Variants in MALRD1 observed in about 807,000 individuals in gnomAD.
MALRD1 encodes the protein MAM and LDL-receptor class A domain-containing protein 1.
MALRD1 carries 247 observed loss-of-function variants against 242.1 expected under a neutral mutation model. That is an observed-to-expected ratio of 1.02 (90% CI 0.92 to 1.13). MALRD1 has a LOEUF of 1.13. Among genes scored for constraint, MALRD1 ranks in the 50% most tolerant of loss-of-function variants. MALRD1 has a pLI of 0.00. For missense variants in MALRD1, 2,989 were observed against 2,533.1 expected, an observed-to-expected ratio of 1.18 and a Z score of -3.86; for synonymous variants, 995 against 866.6, an observed-to-expected ratio of 1.15 and a Z score of -2.60.
intron 33 of MALRD1, among the ~76,000 whole-genome samples, chr10:19,586,770 G>A (rs1398873483): frequency 6.6e-6 from 1 of 152,226 alleles, no homozygotes; most frequent in African/African-American, 2.4e-5. Context: ...CCAGCTTCCT[G>A]GCTGCTTTGT....
intron 36 of MALRD1, among the ~76,000 whole-genome samples, chr10:19,685,872 A>G (rs191343254): frequency 4.6e-5 from 7 of 152,258 alleles, no homozygotes; most frequent in South Asian, 2.1e-4. Flanking sequence ...CTGTGAACCA[A>G]TCTCATGGAT....
intron 38 of MALRD1, among the ~76,000 whole-genome samples, chr10:19,707,681 G>C (rs973111405): frequency 2.0e-5 from 3 of 147,814 alleles, no homozygotes; most frequent in Non-Finnish European, 3.0e-5. Context: ...GGGTGCTGTG[G>C]CTCATGCCTG....
chr10:19,486,716 A>C (rs917662997), intron 29 of MALRD1, among the ~76,000 whole-genome samples: 1 of 152,170 alleles, frequency 6.6e-6, no homozygotes, highest in Admixed American at 6.5e-5. Context: ...AAGTAATAAA[A>C]CAACAAGTGT....
In MALRD1 at chr10:19,209,627, G is replaced by A. The variant is rs1208535570; in HGVS notation, c.2938G>A (p.Gly980Ser). 2 of 1,550,912 alleles carry A rather than the reference G, an allele frequency of 1.3e-6. No homozygotes were observed. Among genetic ancestry groups the A allele is most frequent in the Non-Finnish European group, 1.7e-6 (2 of 1,147,092 alleles). The change falls in exon 18 of 40, where the codon GGC becomes AGC. Residue 980 changes from glycine to serine, a missense_variant. Coordinates refer to ENST00000454679, the MANE Select transcript of MALRD1 (RefSeq NM_001142308.3). ...GCTGTGGCAGATATTTGGGAATCAA[G>A]GCAACAGATGGATTAGGAAACACCT... is the stretch of plus-strand genomic sequence containing the variant. ...QLLWQIFGNQ[G>S]NRWIRKHLNI...
At chr10:19,644,701 G>C (rs1187557413) in intron 36 of MALRD1, among the ~76,000 whole-genome samples, 1 of 152,108 alleles carries the variant, frequency 6.6e-6, no homozygotes, top group Non-Finnish European at 1.5e-5. Flanking sequence ...TTATGAGTCA[G>C]GCACCATTGT....
intron 18 of MALRD1, among the ~76,000 whole-genome samples, chr10:19,240,027 C>T (rs974626368): frequency 3.9e-5 from 6 of 151,930 alleles, no homozygotes; most frequent in Admixed American, 3.9e-4. Flanking sequence ...TTTTCTGTTT[C>T]TGTGAAGAAT....
At chr10:19,346,089 A>T (rs1263300556) in intron 24 of MALRD1, among the ~76,000 whole-genome samples, 1 of 152,052 alleles carries the variant, frequency 6.6e-6, no homozygotes, top group African/African-American at 2.4e-5. Flanking sequence ...CCAGCCTCAT[A>T]TGCTTTCATA....
At chr10:19,237,608 ATAATTATATAAT>A (rs1838396400) in intron 18 of MALRD1, among the ~76,000 whole-genome samples, 1 of 18,630 alleles carries the variant, frequency 5.4e-5, no homozygotes, top group African/African-American at 3.5e-4. Context: ...AATTATAATT[ATAATTATATAAT>A]TATATAATTA....
chr10:19,448,145 A>G (rs1835105750), intron 28 of MALRD1, among the ~76,000 whole-genome samples: 1 of 152,248 alleles, frequency 6.6e-6, no homozygotes, highest in South Asian at 2.1e-4. Flanking sequence ...CGAAGTTATG[A>G]ATGTCCAGCT....
At chr10:19,561,858 G>A (rs1409518439) in intron 32 of MALRD1, among the ~76,000 whole-genome samples, 2 of 152,206 alleles carry the variant, frequency 1.3e-5, no homozygotes, top group South Asian at 2.1e-4. Context: ...GCTGTGGTAC[G>A]CTGCAGTCAG....
At chr10:19,196,500 T>C (rs550478034) in intron 14 of MALRD1, among the ~76,000 whole-genome samples, 1 of 151,524 alleles carries the variant, frequency 6.6e-6, no homozygotes, top group Non-Finnish European at 1.5e-5. Flanking sequence ...ATACTTAAAC[T>C]TGACTTGGCT....
intron 35 of MALRD1, among the ~76,000 whole-genome samples, chr10:19,612,227 T>C (rs1838933711): frequency 6.6e-6 from 1 of 151,956 alleles, no homozygotes; most frequent in African/African-American, 2.4e-5. Context: ...TGGCTATTCT[T>C]CAGTCAAACC....
intron 24 of MALRD1, among the ~76,000 whole-genome samples, chr10:19,342,167 T>C (rs934303598): frequency 1.3e-5 from 2 of 152,142 alleles, no homozygotes; most frequent in African/African-American, 4.8e-5. Flanking sequence ...TCGTAATTAG[T>C]GCTCCGCTGT....
At chr10:19,733,917 G>C (rs2481944) in intron 39 of MALRD1, among the ~76,000 whole-genome samples, 78,581 of 151,514 alleles carry the variant, frequency 0.52, 20,583 homozygotes, top group South Asian at 0.6. Flanking sequence ...TTCCCCACCC[G>C]ACCAGAGGTG....
chr10:19,721,529 T>C (rs1834752485), intron 38 of MALRD1: 1 of 152,186 alleles, frequency 6.6e-6, no homozygotes, highest in African/African-American at 2.4e-5. Flanking sequence ...TTCATTTTTA[T>C]GGTTAGGAAA....
At chr10:19,552,635 C>A (rs758577261) in intron 32 of MALRD1, among the ~76,000 whole-genome samples, 1 of 151,778 alleles carries the variant, frequency 6.6e-6, no homozygotes, top group African/African-American at 2.4e-5. Context: ...CGTGAATAAT[C>A]CTGGTTTTTG....
chr10:19,194,925 A>G (rs11008880), intron 14 of MALRD1, among the ~76,000 whole-genome samples: 25,383 of 152,108 alleles, frequency 0.17, 2,302 homozygotes, highest in Non-Finnish European at 0.2. Flanking sequence ...TGCCTTCCAC[A>G]GTCAATCTCA....
chr10:19,189,908 A>C (rs962788973), intron 14 of MALRD1, among the ~76,000 whole-genome samples: 2 of 152,134 alleles, frequency 1.3e-5, no homozygotes, highest in Non-Finnish European at 2.9e-5. Flanking sequence ...GGAATAAGGA[A>C]AGGATGTCCA....
intron 38 of MALRD1, among the ~76,000 whole-genome samples, chr10:19,693,573 AGAG>A (rs1187020821): frequency 6.6e-6 from 1 of 152,200 alleles, no homozygotes; most frequent in Non-Finnish European, 1.5e-5. Context: ...AGGAAATAAA[AGAG>A]GACACAAACA....
Sources: allele counts gnomAD v4.1 joint callset (sites outside exome capture counted in the v4.1 genomes callset), GRCh38; gene constraint gnomAD v4.1.1; transcripts MANE v1.5; gene names NCBI Gene and HGNC (gene_info 2026-07-23, HGNC 2026-07-21).